Variants in TBPL1 observed in about 807,000 individuals in gnomAD.
The protein encoded by TBPL1 is TATA-box binding protein like 1.
Under a neutral mutation model 22.1 loss-of-function variants are expected in TBPL1, and 4 were observed. That is an observed-to-expected ratio of 0.18 (90% CI 0.09 to 0.41). The LOEUF (loss-of-function observed/expected upper bound fraction) is 0.41. TBPL1 is among the 10% of genes least tolerant of loss of function. TBPL1 has a pLI of 1.00. For synonymous variants in TBPL1, 64 were observed against 71.0 expected (o/e 0.90, Z 0.50); for missense variants, 115 against 222.3 (o/e 0.52, Z 3.07).
chr6:133,970,276 G>A (rs796281455), intron 1 of TBPL1, among the ~76,000 whole-genome samples: 2 of 152,074 alleles, frequency 1.3e-5, no homozygotes, highest in African/African-American at 4.8e-5. Context: ...TCACACCATC[G>A]TACTTTGCTT....
In TBPL1 at chr6:133,987,624, TTG is replaced by T. The variant is rs35068923; in HGVS notation, c.*608_*609del. 0.46 allele frequency: 64,241 copies of T among 139,548 alleles called. 15,548 individuals carry two copies. Among genetic ancestry groups the T allele is most frequent in the Non-Finnish European group, 0.56 (35,480 of 63,294 alleles). 8.6% of individuals were successfully genotyped at this position (139,548 alleles called of 1,614,324 possible). ...TGTTGGCTTCTTTTTGAAGTGTATT[TTG>T]TGTGTGTGTGTGTGTGTGTGTGTAT... On this transcript the variant is annotated 3_prime_UTR_variant, in exon 7 of 7. Coordinates refer to ENST00000237264, the MANE Select transcript of TBPL1 (RefSeq NM_004865.4).
At chr6:133,964,205 G>A (rs1776078011) in intron 1 of TBPL1, among the ~76,000 whole-genome samples, 1 of 152,074 alleles carries the variant, frequency 6.6e-6, no homozygotes, top group Admixed American at 6.5e-5. Context: ...TTTTAAAAAT[G>A]TATGGCTTTC....
intron 1 of TBPL1, among the ~76,000 whole-genome samples, chr6:133,978,599 C>T (rs1174438302): frequency 3.3e-5 from 5 of 152,006 alleles, no homozygotes; most frequent in African/African-American, 1.2e-4. Context: ...CAAACATGCA[C>T]AAATAACAGA....
intron 1 of TBPL1, among the ~76,000 whole-genome samples, chr6:133,955,882 A>C (rs1187109520): frequency 6.6e-6 from 1 of 152,254 alleles, no homozygotes; most frequent in African/African-American, 2.4e-5. Context: ...AGTTATTCTT[A>C]ACATAGAAAA....
intron 1 of TBPL1, among the ~76,000 whole-genome samples, chr6:133,957,028 G>A (rs1004252727): frequency 2.0e-5 from 3 of 152,282 alleles, no homozygotes; most frequent in Admixed American, 6.5e-5. Flanking sequence ...CAAGATTCTG[G>A]AAGTATGTCT....
rs2114402490 is a variant in TBPL1, at chr6:133,988,292, C to G, written c.*1252C>G. The G allele has an allele frequency of 6.6e-6, 1 of 152,268 alleles. No individual in the cohort carries two copies. Among genetic ancestry groups the G allele is most frequent in the South Asian group, 2.1e-4 (1 of 4,824 alleles). The allele number at this position is 152,268 out of a possible 1,614,324, so 9.4% of individuals were successfully genotyped here. ...AGTGTCTCTGGCTCACCCAGGAGCC[C>G]TGATGTGGTAATACAGGATCAAGCT... On this transcript the variant is annotated 3_prime_UTR_variant, in exon 7 of 7. Transcript: ENST00000237264.
rs1227393362 is a variant in TBPL1, at chr6:133,987,096, A to T, written c.*56A>T. 2 of 1,279,142 alleles carry T rather than the reference A, an allele frequency of 1.6e-6. No homozygotes were observed. 79.2% of individuals were successfully genotyped at this position (1,279,142 alleles called of 1,614,324 possible). ...TGAGCACCTTTTAAACCTGCTGCAC[A>T]TTGGACTCAAAAGGAAAACTGGACC... On this transcript the variant is annotated 3_prime_UTR_variant, in exon 7 of 7. Coordinates refer to ENST00000237264, the MANE Select transcript of TBPL1 (RefSeq NM_004865.4).
chr6:133,979,588 A>C (rs543347221), intron 1 of TBPL1, among the ~76,000 whole-genome samples: 1 of 152,206 alleles, frequency 6.6e-6, no homozygotes, highest in Non-Finnish European at 1.5e-5. Context: ...TTTGAAATAT[A>C]TTAGATGTCA....
chr6:133,979,420 A>T (rs557362296), intron 1 of TBPL1, among the ~76,000 whole-genome samples: 8 of 152,292 alleles, frequency 5.3e-5, no homozygotes, highest in Non-Finnish European at 1.2e-4. Context: ...TTGGAACCAG[A>T]GTCCAACCCT....
At chr6:133,969,006 G>C (rs766438550) in intron 1 of TBPL1, 2 of 152,094 alleles carry the variant, frequency 1.3e-5, no homozygotes, top group Non-Finnish European at 2.9e-5. Flanking sequence ...AGTATTCGTC[G>C]AAACAGTGAG....
At chr6:133,952,502 G>A (rs750784688), upstream of TBPL1, 2 of 152,208 alleles carry the variant, frequency 1.3e-5, no homozygotes. The surrounding 1 kb of genome is among the most constrained non-coding windows in gnomAD (Gnocchi z 4.5). Flanking sequence ...AGTGGCATAC[G>A]GTCCTGCGTT....
chr6:133,964,144 C>A (rs1776076890), intron 1 of TBPL1, among the ~76,000 whole-genome samples: 4 of 152,096 alleles, frequency 2.6e-5, no homozygotes, highest in Admixed American at 2.6e-4. Flanking sequence ...AAATTACTCA[C>A]CCTACTGTTG....
chr6:133,955,964 T>C (rs1775918785), intron 1 of TBPL1, among the ~76,000 whole-genome samples: 1 of 152,230 alleles, frequency 6.6e-6, no homozygotes, highest in African/African-American at 2.4e-5. Context: ...AACAAATATT[T>C]ATGAAACATA....
chr6:133,957,499 GT>G (rs1172404230), intron 1 of TBPL1, among the ~76,000 whole-genome samples: 1 of 152,150 alleles, frequency 6.6e-6, no homozygotes, highest in Non-Finnish European at 1.5e-5. Context: ...AAAAAAATTT[GT>G]TTCCATTAAT....
upstream of TBPL1, chr6:133,952,511 T>A (rs1392060031): frequency 1.3e-5 from 2 of 152,274 alleles, no homozygotes; most frequent in African/African-American, 2.4e-5. The surrounding 1 kb of genome is among the most constrained non-coding windows in gnomAD (Gnocchi z 4.5). Flanking sequence ...CGGTCCTGCG[T>A]TATCCCTCCG....
chr6:133,953,903 G>C (rs1775882525), intron 1 of TBPL1, among the ~76,000 whole-genome samples: 1 of 152,036 alleles, frequency 6.6e-6, no homozygotes, highest in Non-Finnish European at 1.5e-5. Context: ...CGGCTTCGTC[G>C]GTTTCTGATT....
chr6:133,961,844 G>A (rs1040147324), intron 1 of TBPL1, among the ~76,000 whole-genome samples: 3 of 151,958 alleles, frequency 2.0e-5, no homozygotes, highest in Admixed American at 1.3e-4. Flanking sequence ...TCATTATCTC[G>A]TTTCCTTTAT....
chr6:133,970,378 T>C (rs1776197747), intron 1 of TBPL1, among the ~76,000 whole-genome samples: 1 of 152,212 alleles, frequency 6.6e-6, no homozygotes, highest in Non-Finnish European at 1.5e-5. Context: ...AGGCTATTAC[T>C]CTCTTTGGTC....
intron 1 of TBPL1, among the ~76,000 whole-genome samples, chr6:133,965,157 G>A (rs1256545839): frequency 6.6e-6 from 1 of 152,090 alleles, no homozygotes; most frequent in Non-Finnish European, 1.5e-5. Flanking sequence ...AAATTATGCT[G>A]TTTTGTTAGC....
Sources: allele counts gnomAD v4.1 joint callset (sites outside exome capture counted in the v4.1 genomes callset), GRCh38; gene constraint gnomAD v4.1.1; non-coding constraint Gnocchi (gnomAD v3.1); transcripts MANE v1.5; gene names NCBI Gene and HGNC (gene_info 2026-07-23, HGNC 2026-07-21).